Variants in PKHD1L1 observed in about 807,000 individuals in gnomAD.
PKHD1L1 encodes the protein fibrocystin-L.
Under a neutral mutation model 462.9 loss-of-function variants are expected in PKHD1L1, and 434 were observed. The ratio of observed to expected loss-of-function variants is 0.94; its 90% confidence interval spans 0.87 to 1.02. The LOEUF (loss-of-function observed/expected upper bound fraction) is 1.02, where lower values mean the gene tolerates loss of function less well. Among genes scored for constraint, PKHD1L1 ranks in the 50% least tolerant of loss-of-function variants. The pLI is 0.00. For synonymous variants in PKHD1L1, 1,781 were observed against 1,750.0 expected (o/e 1.02, Z -0.44); for missense variants, 5,202 against 5,096.1 (o/e 1.02, Z -0.63).
chr8:109,506,180 G>A (rs1352312240), intron 68 of PKHD1L1, among the ~76,000 whole-genome samples: 1 of 152,092 alleles, frequency 6.6e-6, no homozygotes, highest in African/African-American at 2.4e-5. Context: ...GTGCTTGCAG[G>A]CGATGCCATC....
At chr8:109,497,365 T>C in intron 65 of PKHD1L1, 93 bp downstream of exon 65, 1 of 1,392,450 alleles carries the variant, frequency 7.2e-7, no homozygotes, top group Non-Finnish European at 9.7e-7. Context: ...CTCCTTAACT[T>C]CTATCTCTGT....
intron 68 of PKHD1L1, among the ~76,000 whole-genome samples, chr8:109,506,779 T>C (rs1237773556): frequency 6.6e-6 from 1 of 152,238 alleles, no homozygotes; most frequent in East Asian, 1.9e-4. Flanking sequence ...CTATTCTAGA[T>C]ACTATTTAAT....
In PKHD1L1 at chr8:109,518,282, C is replaced by T. The variant is rs1820374353; in HGVS notation, c.11805C>T (p.Ala3935=). The change falls in exon 73 of 78, where the codon GCC becomes GCT. Residue 3935 remains alanine, a synonymous_variant. Coordinates refer to ENST00000378402, the MANE Select transcript of PKHD1L1 (RefSeq NM_177531.6). ...KGTIPVEIHT[A]TVIFVSFQLS... is the part of the protein sequence containing the mutation. ...CTATACCTGTTGAAATTCACACTGCCACAGTGATATTTGTTTCTTTCCAAT... is the reference window on the plus strand; with the variant it reads ...CTATACCTGTTGAAATTCACACTGCTACAGTGATATTTGTTTCTTTCCAAT... 1.2e-6 allele frequency: 2 copies of T among 1,611,334 alleles called. No individual in the cohort carries two copies. Among genetic ancestry groups the T allele is most frequent in the African/African-American group, 1.3e-5 (1 of 74,824 alleles).
chr8:109,467,392 G>T (rs1673396), intron 50 of PKHD1L1, among the ~76,000 whole-genome samples: 2 of 109,564 alleles, frequency 1.8e-5, no homozygotes, highest in Admixed American at 1.8e-4. Flanking sequence ...CCCCTGCCCC[G>T]CCCCCCTTCC....
chr8:109,408,356 T>A, intron 18 of PKHD1L1, 150 bp downstream of exon 18: 1 of 723,050 alleles, frequency 1.4e-6, no homozygotes, highest in South Asian at 2.6e-5. Context: ...ACAATTTATA[T>A]ACTGTGATAC....
At chr8:109,382,059 G>A (rs926395050) in intron 3 of PKHD1L1, among the ~76,000 whole-genome samples, 3 of 152,036 alleles carry the variant, frequency 2.0e-5, no homozygotes, top group Non-Finnish European at 2.9e-5. Context: ...TAGGCCTGTC[G>A]GCTGTTCTTC....
rs554468155 is a variant in PKHD1L1, at chr8:109,474,003, C to G, written c.8606-1115C>G. Among the ~76,000 whole-genome samples the G allele has an allele frequency of 8.5e-5, 13 of 152,208 alleles. No homozygotes were observed. In the East Asian group the frequency reaches 2.1e-3, roughly 25 times the overall value. Reference sequence around the variant, plus strand: ...GAAGCAGGGAAGTCTACTTTGCCCTCAAGGAGAAGAAAGGAGTGGATATTT... The same window carrying G: ...GAAGCAGGGAAGTCTACTTTGCCCTGAAGGAGAAGAAAGGAGTGGATATTT... On this transcript the variant is annotated intron_variant, in intron 50 of 77. Coordinates refer to ENST00000378402, the MANE Select transcript of PKHD1L1 (RefSeq NM_177531.6).
chr8:109,498,053 C>T (rs534652870), intron 65 of PKHD1L1, among the ~76,000 whole-genome samples: 1 of 150,314 alleles, frequency 6.7e-6, no homozygotes, highest in East Asian at 2.0e-4. Flanking sequence ...TTATTTACTA[C>T]AGTAGAATTT....
chr8:109,370,449 A>G (rs1000773089), intron 2 of PKHD1L1, among the ~76,000 whole-genome samples: 1 of 150,000 alleles, frequency 6.7e-6, no homozygotes, highest in African/African-American at 2.4e-5. Context: ...TTAATGATGA[A>G]CCTAAATCTC....
chr8:109,490,049 AG>A lies in PKHD1L1; in HGVS notation c.9980del (p.Gly3327AspfsTer34). ...PRYAVTFLNL[G>X]QIQEHGSSYI... Reference sequence around the variant, plus strand: ...GATATGCTGTAACGTTTCTTAACCTAGGACAGGTTTGTGCTTTATTTTTAAT... The same window carrying A: ...GATATGCTGTAACGTTTCTTAACCTAGACAGGTTTGTGCTTTATTTTTAAT... On this transcript the variant is annotated frameshift_variant, in exon 60 of 78. Transcript: ENST00000378402. LOFTEE classifies it high-confidence loss of function. 1 of 1,585,902 alleles carries A rather than the reference AG, an allele frequency of 6.3e-7. No individual in the cohort carries two copies. The highest frequency in any genetic ancestry group is 1.2e-5 in the South Asian group (1 of 86,880).
chr8:109,443,920 T>A lies in PKHD1L1; in HGVS notation c.4791+18T>A, dbSNP rs371869283. On this transcript the variant is annotated intron_variant, in intron 37 of 77. Transcript: ENST00000378402. The stretch of plus-strand genomic sequence containing the variant: ...CTAATAAGGTAAGAATATAAATACC[T>A]CCTTTGTACTTCTATTATATGTTCC... 6.5e-7 allele frequency: 1 copy of A among 1,533,760 alleles called. No homozygotes were observed. Among genetic ancestry groups the A allele is most frequent in the Non-Finnish European group, 9.0e-7 (1 of 1,116,490 alleles).
intron 70 of PKHD1L1, 133 bp downstream of exon 70, chr8:109,508,397 A>C: frequency 2.2e-6 from 2 of 889,760 alleles, no homozygotes; most frequent in East Asian, 2.5e-5. Context: ...CATTTGTAAC[A>C]ATGAGCAATG....
chr8:109,446,123 ATAT>A (rs980348684), intron 38 of PKHD1L1, among the ~76,000 whole-genome samples: 2 of 152,222 alleles, frequency 1.3e-5, no homozygotes, highest in Non-Finnish European at 2.9e-5. Flanking sequence ...AATGGAGAAA[ATAT>A]TATAAAATAC....
At chr8:109,373,146 G>C (rs963611289) in intron 2 of PKHD1L1, among the ~76,000 whole-genome samples, 1 of 151,976 alleles carries the variant, frequency 6.6e-6, no homozygotes, top group Admixed American at 6.6e-5. Context: ...GACTTTTTTT[G>C]GTTGGTAAGC....
At chr8:109,477,677 G>A (rs186342719) in intron 53 of PKHD1L1, among the ~76,000 whole-genome samples, 2 of 152,224 alleles carry the variant, frequency 1.3e-5, no homozygotes, top group Admixed American at 6.5e-5. Flanking sequence ...TCATATAGAC[G>A]AGAAAGCTGA....
Position 109,518,199 on chromosome 8 carries a change from C to T in PKHD1L1, c.11722C>T (p.Leu3908Phe). 6.2e-7 allele frequency: 1 copy of T among 1,606,108 alleles called. No homozygotes were observed. Among genetic ancestry groups the T allele is most frequent in the Non-Finnish European group, 8.5e-7 (1 of 1,173,696 alleles). ...QFLPNLDSTV[L>F]GENYFDGTYQ... ...CCTTCCTAACCTGGATTCCACTGTC[C>T]TTGGTGAAAACTACTTTGATGGAAC... Residue 3908 changes from leucine to phenylalanine, a missense_variant, in exon 73 of 78, where the codon CTT becomes TTT. By Grantham distance (22) the Leu-to-Phe change is conservative. Coordinates refer to ENST00000378402, the MANE Select transcript of PKHD1L1 (RefSeq NM_177531.6).
intron 10 of PKHD1L1, among the ~76,000 whole-genome samples, chr8:109,395,732 G>A (rs571947956): frequency 8.5e-5 from 13 of 152,140 alleles, no homozygotes; most frequent in Admixed American, 4.6e-4. Context: ...ACCTGCCTTC[G>A]TGCTCAGCTC....
At chr8:109,502,767 T>A (rs1036320017) in intron 67 of PKHD1L1, among the ~76,000 whole-genome samples, 2 of 152,196 alleles carry the variant, frequency 1.3e-5, no homozygotes, top group Non-Finnish European at 2.9e-5. Context: ...GAAAGAAGTA[T>A]TAGAATAGGG....
rs1817358270 is a variant in PKHD1L1 at position 109,465,022 on chromosome 8, C to T, written c.8190C>T (p.Leu2730=). 3 of 1,613,676 alleles carry T rather than the reference C, an allele frequency of 1.9e-6. No homozygotes were observed. The South Asian group carries it at 3.3e-5, about 18-fold the overall frequency. Residue 2730 remains leucine, a synonymous_variant, in exon 49 of 78, where the codon CTC becomes CTT. Transcript: ENST00000378402. ...SAFCTAKGLV[L]PFSEGLTVSS... is the part of the protein sequence containing the mutation. ...TTTGCACAGCAAAAGGCCTGGTTCTCCCATTTAGTGAAGGCTTGACTGTCT... is the reference window on the plus strand; with the variant it reads ...TTTGCACAGCAAAAGGCCTGGTTCTTCCATTTAGTGAAGGCTTGACTGTCT...
Sources: gnomAD v4.1 joint callset for allele counts (sites outside exome capture counted in the v4.1 genomes callset) on GRCh38, gnomAD v4.1.1 for gene constraint, MANE v1.5 for transcripts, NCBI Gene and HGNC (gene_info 2026-07-23, HGNC 2026-07-21) for gene names.